Variants in ITGBL1 observed in about 807,000 individuals in gnomAD.
ITGBL1 encodes the protein integrin subunit beta like 1.
In ITGBL1, 51 loss-of-function variants were observed where a neutral mutation model predicts 68.5. The observed-to-expected ratio is 0.74, with a 90% CI of 0.59 to 0.94. The LOEUF (loss-of-function observed/expected upper bound fraction) is 0.94, where lower values mean the gene tolerates loss of function less well. Ranked by LOEUF, ITGBL1 falls within the 40% of genes least tolerant of loss-of-function variation. ITGBL1 has a pLI of 0.00. For synonymous variants in ITGBL1, 209 were observed against 227.3 expected, an observed-to-expected ratio of 0.92 and a Z score of 0.72; for missense variants, 649 against 647.4, an observed-to-expected ratio of 1.00 and a Z score of -0.03.
chr13:101,542,780 T>C (rs2049734418), intron 2 of ITGBL1, among the ~76,000 whole-genome samples: 4 of 152,244 alleles, frequency 2.6e-5, no homozygotes, highest in Admixed American at 1.3e-4. Context: ...TTAGCTCTTC[T>C]TGTTGAACTG....
intron 9 of ITGBL1, chr13:101,711,609 C>T (rs2034470119): frequency 6.6e-6 from 1 of 152,198 alleles, no homozygotes; most frequent in Non-Finnish European, 1.5e-5. Context: ...GTGAAGTCTT[C>T]AGTTAACTGT....
intron 2 of ITGBL1, among the ~76,000 whole-genome samples, chr13:101,459,909 C>T (rs954241351): frequency 2.0e-5 from 3 of 151,924 alleles, no homozygotes; most frequent in African/African-American, 7.3e-5. Flanking sequence ...GACTTTTATA[C>T]TACGAAGTAA....
At chr13:101,605,874 A>G (rs1295328762) in intron 7 of ITGBL1, among the ~76,000 whole-genome samples, 1 of 150,456 alleles carries the variant, frequency 6.6e-6, no homozygotes, top group East Asian at 2.0e-4. Flanking sequence ...GTGTATATAT[A>G]CACATATATA....
intron 6 of ITGBL1, among the ~76,000 whole-genome samples, chr13:101,595,508 A>T (rs1450752232): frequency 6.6e-6 from 1 of 152,014 alleles, no homozygotes; most frequent in African/African-American, 2.4e-5. Flanking sequence ...ATAGCAAAAA[A>T]AATCAAACAA....
At chr13:101,512,050 C>T (rs2049124406) in intron 2 of ITGBL1, among the ~76,000 whole-genome samples, 1 of 152,134 alleles carries the variant, frequency 6.6e-6, no homozygotes, top group African/African-American at 2.4e-5. Flanking sequence ...TAATACCCCT[C>T]TGACAAATAG....
chr13:101,591,581 T>C (rs926693875), intron 6 of ITGBL1, among the ~76,000 whole-genome samples: 1 of 152,198 alleles, frequency 6.6e-6, no homozygotes. Context: ...GGTGAAAAGC[T>C]TCTACATATG....
chr13:101,458,054 G>T (rs2048268031), intron 2 of ITGBL1, among the ~76,000 whole-genome samples: 1 of 152,138 alleles, frequency 6.6e-6, no homozygotes. Flanking sequence ...CACTTATGAA[G>T]CACTGCATAT....
At chr13:101,521,087 A>G (rs2049276771) in intron 2 of ITGBL1, among the ~76,000 whole-genome samples, 1 of 152,200 alleles carries the variant, frequency 6.6e-6, no homozygotes, top group Non-Finnish European at 1.5e-5. Context: ...ATGGAAAAAT[A>G]TGTAGTACAT....
At chr13:101,506,412 G>A (rs1288639894) in intron 2 of ITGBL1, among the ~76,000 whole-genome samples, 2 of 152,176 alleles carry the variant, frequency 1.3e-5, no homozygotes, top group East Asian at 3.9e-4. Flanking sequence ...TATCAGATTA[G>A]TAATGGGGTC....
In ITGBL1 at chr13:101,680,918, T is replaced by A. The variant is rs1190503205; in HGVS notation, c.1016-11667T>A. ...AAAGTGTATTTCCCTTTTAGACACT[T>A]AAACAAACACATTAAGACTCAACCC... On this transcript the variant is annotated intron_variant, in intron 7 of 10. Coordinates refer to ENST00000376180, the MANE Select transcript of ITGBL1 (RefSeq NM_004791.3). 4.6e-5 allele frequency among the ~76,000 whole-genome samples: 7 copies of A among 152,304 alleles called. No homozygotes were observed. The South Asian group carries it at 1.4e-3, about 32-fold the overall frequency.
At chr13:101,662,728 G>A (rs1026691283) in intron 7 of ITGBL1, among the ~76,000 whole-genome samples, 9 of 151,644 alleles carry the variant, frequency 5.9e-5, no homozygotes, top group African/African-American at 2.2e-4. Flanking sequence ...TTTGATCACC[G>A]TTCAGTTTTT....
chr13:101,565,963 A>G (rs2050177414), intron 2 of ITGBL1, among the ~76,000 whole-genome samples: 1 of 152,090 alleles, frequency 6.6e-6, no homozygotes, highest in Non-Finnish European at 1.5e-5. Flanking sequence ...CACCTTTAAA[A>G]AGATGTTCCT....
chr13:101,685,443 A>G (rs898375243), intron 7 of ITGBL1, among the ~76,000 whole-genome samples: 1 of 152,050 alleles, frequency 6.6e-6, no homozygotes, highest in East Asian at 1.9e-4. Flanking sequence ...AATTTTTAAA[A>G]TCTTGGGCAT....
intron 2 of ITGBL1, among the ~76,000 whole-genome samples, chr13:101,565,255 T>G (rs1351472292): frequency 6.6e-6 from 1 of 152,146 alleles, no homozygotes; most frequent in Non-Finnish European, 1.5e-5. Context: ...TATAGCAACC[T>G]AATCCCCCGA....
chr13:101,534,614 G>C (rs987406050), intron 2 of ITGBL1, among the ~76,000 whole-genome samples: 8 of 152,130 alleles, frequency 5.3e-5, no homozygotes, highest in African/African-American at 1.4e-4. Flanking sequence ...CTTAGTTCAT[G>C]ATGGCCTCCA....
intron 2 of ITGBL1, among the ~76,000 whole-genome samples, chr13:101,521,449 G>T (rs2049282543): frequency 6.6e-6 from 1 of 152,134 alleles, no homozygotes; most frequent in South Asian, 2.1e-4. Flanking sequence ...ATTTTAAATT[G>T]GGTTGCCAGG....
chr13:101,513,784 A>G (rs1244637192), intron 2 of ITGBL1, among the ~76,000 whole-genome samples: 1 of 152,056 alleles, frequency 6.6e-6, no homozygotes, highest in African/African-American at 2.4e-5. Flanking sequence ...GTTAACGAGG[A>G]TGTATTATTC....
rs958684782 is a variant in ITGBL1, at chr13:101,706,687, T to C, written c.1133-69T>C. The C allele has an allele frequency of 6.7e-6, 10 of 1,499,780 alleles. No homozygotes were observed. In the African/African-American group the frequency reaches 1.2e-4, roughly 19 times the overall value. The allele number at this position is 1,499,780 out of a possible 1,614,324, so 92.9% of individuals were successfully genotyped here. A position where few individuals can be genotyped will look rare whatever the true frequency, so the allele number is the denominator to read the frequency against. On this transcript the variant is annotated intron_variant, in intron 8 of 10. Transcript: ENST00000376180. ...AGATCCTATGGTTTACACATTTCTT[T>C]CTTAAAACTCTCTGCTTCAGCTGGT...
rs115746336 is a variant in ITGBL1, at chr13:101,486,643, T to C, written c.316+32543T>C. ...AATGATAAATAATGCAAATCCACAA[T>C]GTAAGTTTCATATTTTAAAAGTCTA... is the stretch of plus-strand genomic sequence containing the variant. On this transcript the variant is annotated intron_variant, in intron 2 of 10. Coordinates refer to ENST00000376180, the MANE Select transcript of ITGBL1 (RefSeq NM_004791.3). 5.8e-3 allele frequency among the ~76,000 whole-genome samples: 878 copies of C among 152,334 alleles called. 9 individuals are homozygous for C. The highest frequency in any genetic ancestry group is 0.02 in the African/African-American group (841 of 41,566).
Sources: gnomAD v4.1 joint callset for allele counts (sites outside exome capture counted in the v4.1 genomes callset) on GRCh38, gnomAD v4.1.1 for gene constraint, MANE v1.5 for transcripts, NCBI Gene and HGNC (gene_info 2026-07-23, HGNC 2026-07-21) for gene names.